The following ROBO1 variants were observed in gnomAD, a reference collection of about 807,000 sequenced individuals.
The protein encoded by ROBO1 is roundabout homolog 1.
Under a neutral mutation model 195.9 loss-of-function variants are expected in ROBO1, and 149 were observed. That is an observed-to-expected ratio of 0.76 (90% CI 0.67 to 0.87). The LOEUF is 0.87. Among genes scored for constraint, ROBO1 ranks in the 40% least tolerant of loss-of-function variants. The pLI is 0.00. For missense variants in ROBO1, 1,933 were observed against 2,068.3 expected, an observed-to-expected ratio of 0.93 and a Z score of 1.27; for synonymous variants, 816 against 733.2, an observed-to-expected ratio of 1.11 and a Z score of -1.82.
At chr3:79,594,704 A>T (rs919945940) in intron 1 of ROBO1, among the ~76,000 whole-genome samples, 3 of 152,050 alleles carry the variant, frequency 2.0e-5, no homozygotes, top group Non-Finnish European at 4.4e-5. Flanking sequence ...GGAGAAGAAT[A>T]GCCACATCAT....
At chr3:78,674,564 T>G (rs1414441803) in intron 10 of ROBO1, among the ~76,000 whole-genome samples, 1 of 152,176 alleles carries the variant, frequency 6.6e-6, no homozygotes, top group African/African-American at 2.4e-5. Context: ...GAAATCACCT[T>G]AAAACGCCCA....
chr3:79,359,291 A>G (rs2035675896), intron 2 of ROBO1, among the ~76,000 whole-genome samples: 1 of 151,886 alleles, frequency 6.6e-6, no homozygotes, highest in African/African-American at 2.4e-5. Context: ...CACTCTTATA[A>G]TTTATAAAGT....
At chr3:79,539,081 C>T (rs1387812317) in intron 2 of ROBO1, among the ~76,000 whole-genome samples, 3 of 152,072 alleles carry the variant, frequency 2.0e-5, no homozygotes, top group Non-Finnish European at 4.4e-5. Flanking sequence ...CATAACTTCC[C>T]CCAAAAAGAA....
chr3:78,680,684 C>A (rs1055454253), intron 10 of ROBO1, among the ~76,000 whole-genome samples: 51 of 145,626 alleles, frequency 3.5e-4, no homozygotes, highest in South Asian at 8.7e-4. Context: ...CAGGAAACAA[C>A]AGGTGCTGGA....
intron 2 of ROBO1, among the ~76,000 whole-genome samples, chr3:79,397,900 T>TA (rs1346564464): frequency 6.6e-6 from 1 of 152,082 alleles, no homozygotes; most frequent in African/African-American, 2.4e-5. Flanking sequence ...CTAAAAACAT[T>TA]AAAAATAAAT....
chr3:78,651,046 TA>T (rs1706619093), intron 19 of ROBO1, among the ~76,000 whole-genome samples: 1 of 152,192 alleles, frequency 6.6e-6, no homozygotes, highest in South Asian at 2.1e-4. Flanking sequence ...GTAGCAAAAG[TA>T]TGTGAAAATC....
intron 2 of ROBO1, among the ~76,000 whole-genome samples, chr3:79,229,640 G>A (rs944953463): frequency 2.0e-5 from 3 of 152,028 alleles, no homozygotes; most frequent in Admixed American, 1.3e-4. Context: ...TAGAGGTGAG[G>A]TCTCACTTTA....
chr3:78,710,047 T>A (rs2081644701), intron 8 of ROBO1, among the ~76,000 whole-genome samples: 1 of 152,196 alleles, frequency 6.6e-6, no homozygotes, highest in Non-Finnish European at 1.5e-5. Context: ...ACACATTTAC[T>A]ATAATAGCCC....
chr3:79,290,453 G>A (rs2032178093), intron 2 of ROBO1, among the ~76,000 whole-genome samples: 1 of 151,936 alleles, frequency 6.6e-6, no homozygotes, highest in South Asian at 2.1e-4. Context: ...TCAACATCAG[G>A]ACTGTTTAAT....
In ROBO1 at chr3:79,102,407, T is replaced by C. The variant is rs550559324; in HGVS notation, c.172+23049A>G. 2.0e-5 allele frequency among the ~76,000 whole-genome samples: 3 copies of C among 151,878 alleles called. No individual in the cohort carries two copies. In the East Asian group the frequency reaches 5.8e-4, roughly 30 times the overall value. On this transcript the variant is annotated intron_variant, in intron 3 of 30. Transcript: ENST00000464233. The stretch of plus-strand genomic sequence containing the variant: ...AAGAAGTTCTGAGAGTCCAAGGTTT[T>C]CAATCATAAGAGAGGAATTAAGCTT...
chr3:78,738,126 A>G (rs541081864), intron 5 of ROBO1, among the ~76,000 whole-genome samples: 1 of 152,258 alleles, frequency 6.6e-6, no homozygotes, highest in East Asian at 1.9e-4. Context: ...CGTAGGAAGG[A>G]GACATGTGGG....
chr3:79,196,247 G>A lies in ROBO1; in HGVS notation c.89-70708C>T, dbSNP rs188250291. Among the ~76,000 whole-genome samples, 58 of 150,158 alleles carry A rather than the reference G, an allele frequency of 3.9e-4. 1 individual carries two copies. The East Asian group carries it at 8.3e-3, about 21-fold the overall frequency. On this transcript the variant is annotated intron_variant, in intron 2 of 30. Transcript: ENST00000464233. The stretch of plus-strand genomic sequence containing the variant: ...GAAAAGATGGCATCTATCACTTCAC[G>A]TAGAGCTAGAAGGATGAGAAGAGTT...
At chr3:79,606,310 A>C (rs911412567) in intron 1 of ROBO1, among the ~76,000 whole-genome samples, 1 of 152,000 alleles carries the variant, frequency 6.6e-6, no homozygotes, top group African/African-American at 2.4e-5. Context: ...TCATTCATGA[A>C]ATAGTCTCTT....
chr3:79,680,654 T>A (rs576484956), intron 1 of ROBO1, among the ~76,000 whole-genome samples: 12 of 152,018 alleles, frequency 7.9e-5, no homozygotes, highest in Non-Finnish European at 1.6e-4. Flanking sequence ...GCAAAGATGA[T>A]GACAGTCATA....
In ROBO1 at chr3:78,909,065, G is replaced by C. The variant is rs957827392; in HGVS notation, c.499+29536C>G. 9.9e-5 allele frequency among the ~76,000 whole-genome samples: 15 copies of C among 151,786 alleles called. 1 individual carries two copies. Among genetic ancestry groups the C allele is most frequent in the Non-Finnish European group, 7.4e-5 (5 of 67,790 alleles). ...TTACAGGCATACAGATGGTGAGGCAGAATGAAAATATGATTATGTTTCATG... is the reference window on the plus strand; with the variant it reads ...TTACAGGCATACAGATGGTGAGGCACAATGAAAATATGATTATGTTTCATG... On this transcript the variant is annotated intron_variant, in intron 4 of 30. Transcript: ENST00000464233.
chr3:79,756,009 A>T (rs1704374338), intron 1 of ROBO1, among the ~76,000 whole-genome samples: 1 of 152,202 alleles, frequency 6.6e-6, no homozygotes, highest in Admixed American at 6.5e-5. Context: ...CAAAACTTCC[A>T]TCATACCTCA....
chr3:78,948,690 A>T (rs575150386), intron 3 of ROBO1, among the ~76,000 whole-genome samples: 2 of 152,202 alleles, frequency 1.3e-5, no homozygotes, highest in Non-Finnish European at 2.9e-5. Flanking sequence ...GAAGGAAAAA[A>T]GGGTATTCAA....
intron 3 of ROBO1, among the ~76,000 whole-genome samples, chr3:79,025,201 C>T (rs2078180496): frequency 6.6e-6 from 1 of 152,154 alleles, no homozygotes; most frequent in Non-Finnish European, 1.5e-5. Flanking sequence ...GAGTACTCAC[C>T]TTCATAAATC....
rs558369356 is a variant in ROBO1 at position 79,625,742 on chromosome 3, G to A, written c.-50-35781C>T. Reference sequence around the variant, plus strand: ...AAGCCTACCAACCAAAAAAAGACGAGGACCAGATGGATTAACAGCTGAATT... The same window carrying A: ...AAGCCTACCAACCAAAAAAAGACGAAGACCAGATGGATTAACAGCTGAATT... On this transcript the variant is annotated intron_variant, in intron 1 of 30. Coordinates refer to ENST00000464233, the MANE Select transcript of ROBO1 (RefSeq NM_002941.4). 3.5e-4 allele frequency among the ~76,000 whole-genome samples: 53 copies of A among 152,196 alleles called. 1 individual carries two copies. The highest frequency in any genetic ancestry group is 1.2e-3 in the African/African-American group (48 of 41,522).
Sources: allele counts gnomAD v4.1 joint callset (sites outside exome capture counted in the v4.1 genomes callset), GRCh38; gene constraint gnomAD v4.1.1; transcripts MANE v1.5; gene names NCBI Gene and HGNC (gene_info 2026-07-23, HGNC 2026-07-21).